SPPL3: variants seen among roughly 807,000 people sequenced by gnomAD.
SPPL3 encodes the protein signal peptide peptidase-like 3.
In SPPL3, 5 loss-of-function variants were observed where a neutral mutation model predicts 42.4. The observed-to-expected ratio is 0.12, with a 90% CI of 0.06 to 0.25. SPPL3 has a LOEUF of 0.25. Ranked by LOEUF, SPPL3 falls within the 10% of genes least tolerant of loss-of-function variation. The pLI is 1.00. For synonymous variants in SPPL3, 195 were observed against 181.8 expected (o/e 1.07, Z -0.58); for missense variants, 235 against 489.0 (o/e 0.48, Z 4.90).
intron 1 of SPPL3, among the ~76,000 whole-genome samples, chr12:120,896,012 T>C (rs1873790310): frequency 6.6e-6 from 1 of 152,038 alleles, no homozygotes. Context: ...TAGAAACAAC[T>C]AGGATACATC....
chr12:120,894,344 AGAAAT>A lies in SPPL3; in HGVS notation c.23+9496_23+9500del, dbSNP rs570454961. 2.9e-3 allele frequency among the ~76,000 whole-genome samples: 443 copies of A among 152,326 alleles called. 2 individuals are homozygous for A. Among genetic ancestry groups the A allele is most frequent in the Non-Finnish European group, 3.3e-3 (226 of 68,032 alleles). ...CATCTCAAAAACAAACAAACAAAAA[AGAAAT>A]GAGTGTAAATTTCATAAGTTTATAA... On this transcript the variant is annotated intron_variant, in intron 1 of 10. Coordinates refer to ENST00000353487, the MANE Select transcript of SPPL3 (RefSeq NM_139015.5).
intron 1 of SPPL3, among the ~76,000 whole-genome samples, chr12:120,876,911 A>G (rs527531826): frequency 2.0e-5 from 3 of 152,150 alleles, no homozygotes; most frequent in Admixed American, 6.5e-5. Flanking sequence ...GAAAAACACT[A>G]GAGAAAAAGC....
chr12:120,793,333 A>C (rs578031280), intron 2 of SPPL3, among the ~76,000 whole-genome samples: 2 of 152,292 alleles, frequency 1.3e-5, no homozygotes, highest in Admixed American at 1.3e-4. Flanking sequence ...CTGTCTCTAT[A>C]AAAAATAAAA....
At chr12:120,850,574 G>A (rs1410847187) in intron 1 of SPPL3, among the ~76,000 whole-genome samples, 1 of 151,430 alleles carries the variant, frequency 6.6e-6, no homozygotes, top group Non-Finnish European at 1.5e-5. Context: ...AGAATGTTAG[G>A]TTTTTTGACA....
chr12:120,820,705 T>C (rs1871039257), intron 1 of SPPL3, among the ~76,000 whole-genome samples: 1 of 152,206 alleles, frequency 6.6e-6, no homozygotes, highest in Non-Finnish European at 1.5e-5. Context: ...CAAATATGTA[T>C]TGCAAGCTTA....
At chr12:120,868,200 G>C (rs1037451468) in intron 1 of SPPL3, among the ~76,000 whole-genome samples, 1 of 151,824 alleles carries the variant, frequency 6.6e-6, no homozygotes, top group Non-Finnish European at 1.5e-5. Flanking sequence ...TGGGTGCAGT[G>C]AGCCATGATC....
intron 10 of SPPL3, 141 bp from the exon 11 acceptor site, chr12:120,765,211 T>A: frequency 1.5e-6 from 1 of 660,098 alleles, no homozygotes; most frequent in Non-Finnish European, 2.5e-6. Context: ...ACTCCTGGGC[T>A]CGGGCAATTC....
At chr12:120,804,501 T>C (rs980453291) in intron 2 of SPPL3, among the ~76,000 whole-genome samples, 2 of 152,136 alleles carry the variant, frequency 1.3e-5, no homozygotes, top group African/African-American at 4.8e-5. Flanking sequence ...TCAACATCAG[T>C]AGGCATTAAG....
intron 6 of SPPL3, 110 bp from the exon 7 acceptor site, chr12:120,769,169 G>C (rs1020945600): frequency 1.3e-6 from 1 of 768,092 alleles, no homozygotes; most frequent in African/African-American, 1.8e-5. Context: ...CAAAAATCAG[G>C]CAGCCCTAAG....
chr12:120,871,535 T>C (rs1321533184), intron 1 of SPPL3, among the ~76,000 whole-genome samples: 1 of 152,076 alleles, frequency 6.6e-6, no homozygotes. Flanking sequence ...AGTGGATCAT[T>C]TGAGGTCAGG....
At chr12:120,893,391 C>T (rs1410185338) in intron 1 of SPPL3, among the ~76,000 whole-genome samples, 1 of 151,852 alleles carries the variant, frequency 6.6e-6, no homozygotes, top group Non-Finnish European at 1.5e-5. Context: ...TATTTTTTTC[C>T]GAGATCAATT....
Position 120,869,271 on chromosome 12 carries a change from C to A in SPPL3, c.23+34574G>T, listed in dbSNP as rs73413878. Among the ~76,000 whole-genome samples the A allele has an allele frequency of 3.0e-3, 462 of 152,232 alleles. 2 individuals are homozygous for A. The highest frequency in any genetic ancestry group is 0.011 in the African/African-American group (442 of 41,538). On this transcript the variant is annotated intron_variant, in intron 1 of 10. Coordinates refer to ENST00000353487, the MANE Select transcript of SPPL3 (RefSeq NM_139015.5). Reference sequence around the variant, plus strand: ...TACTGCTGTAGGTGATGCATTCTACCAAAATGGCAAACTCTTGGTAAAGCC... The same window carrying A: ...TACTGCTGTAGGTGATGCATTCTACAAAAATGGCAAACTCTTGGTAAAGCC...
chr12:120,784,236 T>C (rs1869638145), intron 4 of SPPL3: 2 of 334,358 alleles, frequency 6.0e-6, no homozygotes, highest in African/African-American at 4.3e-5. Flanking sequence ...TTCCTGCACT[T>C]TGACGTCTCC....
At chr12:120,902,258 T>C (rs529599352) in intron 1 of SPPL3, among the ~76,000 whole-genome samples, 2 of 152,338 alleles carry the variant, frequency 1.3e-5, no homozygotes, top group East Asian at 1.9e-4. Context: ...CTTCTTGAGA[T>C]TGCACATACA....
chr12:120,885,917 C>T (rs1030734680), intron 1 of SPPL3, among the ~76,000 whole-genome samples: 11 of 144,752 alleles, frequency 7.6e-5, no homozygotes, highest in African/African-American at 1.0e-4. Context: ...TGCAATGGCG[C>T]GATTTCAGCT....
intron 1 of SPPL3, among the ~76,000 whole-genome samples, chr12:120,842,437 T>C (rs1012482084): frequency 6.6e-6 from 1 of 152,174 alleles, no homozygotes; most frequent in African/African-American, 2.4e-5. Flanking sequence ...CCCAAAAACA[T>C]GGTCCTGAAG....
intron 1 of SPPL3, among the ~76,000 whole-genome samples, chr12:120,871,936 C>A (rs1222018732): frequency 6.6e-6 from 1 of 151,918 alleles, no homozygotes; most frequent in African/African-American, 2.4e-5. Context: ...GGGATTTTTC[C>A]GATTTTGGAA....
chr12:120,841,457 G>A (rs1404585118), intron 1 of SPPL3, among the ~76,000 whole-genome samples: 1 of 151,926 alleles, frequency 6.6e-6, no homozygotes, highest in African/African-American at 2.4e-5. Flanking sequence ...CAAAACATCT[G>A]GATTGTCTCC....
intron 1 of SPPL3, among the ~76,000 whole-genome samples, chr12:120,880,245 G>A (rs562216891): frequency 6.6e-6 from 1 of 151,814 alleles, no homozygotes; most frequent in South Asian, 2.1e-4. Context: ...GAATGAAGTT[G>A]GACCTTTACT....
Sources: gnomAD v4.1 joint callset for allele counts (sites outside exome capture counted in the v4.1 genomes callset) on GRCh38, gnomAD v4.1.1 for gene constraint, MANE v1.5 for transcripts, NCBI Gene and HGNC (gene_info 2026-07-23, HGNC 2026-07-21) for gene names.